Variants in ACP3 observed in about 807,000 individuals in gnomAD.
ACP3 encodes the protein acid phosphatase 3.
A neutral mutation model predicts 45.6 loss-of-function variants in ACP3; 38 were observed. The observed-to-expected ratio is 0.83, with a 90% CI of 0.64 to 1.09. The LOEUF (loss-of-function observed/expected upper bound fraction) is 1.09, where lower values mean the gene tolerates loss of function less well. Among genes scored for constraint, ACP3 ranks in the 50% least tolerant of loss-of-function variants. The probability of loss-of-function intolerance (pLI) is 0.00; values close to 1 mark genes in which losing one functional copy is unlikely to be tolerated. For synonymous variants in ACP3, 162 were observed against 164.7 expected (o/e 0.98, Z 0.13); for missense variants, 466 against 463.2 (o/e 1.01, Z -0.05).
intron 9 of ACP3, 60 bp downstream of exon 9, chr3:132,352,883 A>T: frequency 7.9e-7 from 1 of 1,273,454 alleles, no homozygotes. Context: ...CATTATTATT[A>T]TTTTGGGTTA....
chr3:132,366,387 C>T (rs745362674), intron 10 of ACP3, among the ~76,000 whole-genome samples: 29 of 151,704 alleles, frequency 1.9e-4, no homozygotes, highest in Admixed American at 1.1e-3. Context: ...TGGCAAAAGA[C>T]GATGGTGGTT....
At chr3:132,331,079 A>G (rs1178668280) in intron 2 of ACP3, among the ~76,000 whole-genome samples, 3 of 152,234 alleles carry the variant, frequency 2.0e-5, no homozygotes, top group African/African-American at 7.2e-5. Context: ...CTGGTTCAGT[A>G]GGTCAAGGGT....
chr3:132,361,052 G>C (rs1938031879), downstream of ACP3, among the ~76,000 whole-genome samples: 1 of 152,196 alleles, frequency 6.6e-6, no homozygotes. Flanking sequence ...TTATACTGTA[G>C]AGACCCAATC....
chr3:132,348,255 T>C (rs1229975757), intron 7 of ACP3, among the ~76,000 whole-genome samples: 1 of 152,172 alleles, frequency 6.6e-6, no homozygotes, highest in East Asian at 1.9e-4. Flanking sequence ...TAATAAAGGA[T>C]ACAACAGATA....
At chr3:132,338,902 G>A (rs149597073) in intron 5 of ACP3, among the ~76,000 whole-genome samples, 20 of 152,022 alleles carry the variant, frequency 1.3e-4, no homozygotes, top group Non-Finnish European at 2.5e-4. Flanking sequence ...TTAAGTTCAG[G>A]GGTACAAATG....
In ACP3 at chr3:132,357,052, C is replaced by G; in HGVS notation, c.*174C>G. 4.4e-6 allele frequency: 6 copies of G among 1,353,976 alleles called. No individual in the cohort carries two copies. Among genetic ancestry groups the G allele is most frequent in the Middle Eastern group, 2.7e-4 (1 of 3,658 alleles). The allele number at this position is 1,353,976 out of a possible 1,614,324, so 83.9% of individuals were successfully genotyped here. A position where few individuals can be genotyped will look rare whatever the true frequency, so the allele number is the denominator to read the frequency against. ...ATTCCTACCTCTTCACCTGACCCTG[C>G]CCCCACTTGCCATAAAACTTAGCTA... On this transcript the variant is annotated 3_prime_UTR_variant, in exon 10 of 10. Transcript: ENST00000336375.
At chr3:132,349,782 C>T in intron 7 of ACP3, 138 bp from the exon 8 acceptor site, 1 of 631,858 alleles carries the variant, frequency 1.6e-6, no homozygotes, top group Non-Finnish European at 2.8e-6. Context: ...AGAGCAGATG[C>T]TCAATAAAAT....
intron 5 of ACP3, among the ~76,000 whole-genome samples, chr3:132,339,520 AG>A (rs1296221772): frequency 5.3e-5 from 8 of 152,016 alleles, no homozygotes; most frequent in African/African-American, 1.7e-4. Context: ...AACTTCTGAC[AG>A]GCTGGCTTTA....
rs1559840198 is a variant in ACP3 at position 132,349,918 on chromosome 3, A to G, written c.782-2A>G. 1 of 1,607,954 alleles carries G rather than the reference A, an allele frequency of 6.2e-7. No individual in the cohort carries two copies. Among genetic ancestry groups the G allele is most frequent in the Non-Finnish European group, 8.5e-7 (1 of 1,174,660 alleles). On this transcript the variant is annotated splice_acceptor_variant, in intron 7 of 9. Transcript: ENST00000336375. LOFTEE classifies it high-confidence loss of function. ...TTTGGTTATTGATTCATCTTCTTTA[A>G]GGTGTCCTGGTCAATGAAATCCTCA...
intron 5 of ACP3, among the ~76,000 whole-genome samples, chr3:132,341,814 T>C (rs1191296982): frequency 6.6e-6 from 1 of 152,242 alleles, no homozygotes; most frequent in East Asian, 1.9e-4. Flanking sequence ...CTATTGAGGT[T>C]AATATTGGCA....
chr3:132,323,168 A>AG lies in ACP3; in HGVS notation c.121-5097dup, dbSNP rs1200277964. Among the ~76,000 whole-genome samples, 5 of 148,984 alleles carry AG rather than the reference A, an allele frequency of 3.4e-5. No individual in the cohort carries two copies. In the East Asian group the frequency reaches 9.7e-4, roughly 29 times the overall value. ...GGGGAAAGACAAGAAGATGAAAGAA[A>AG]GGAAAAAAAAAAAGCACACATAGCA... is the stretch of plus-strand genomic sequence containing the variant. On this transcript the variant is annotated intron_variant, in intron 1 of 9. Coordinates refer to ENST00000336375, the MANE Select transcript of ACP3 (RefSeq NM_001099.5).
chr3:132,348,909 T>C (rs953157344), intron 7 of ACP3, among the ~76,000 whole-genome samples: 8 of 151,226 alleles, frequency 5.3e-5, no homozygotes, highest in Non-Finnish European at 1.2e-4. Context: ...ATCTGGCGCA[T>C]CATAGCTGCT....
chr3:132,359,719 G>A (rs1364719894), downstream of ACP3, among the ~76,000 whole-genome samples: 1 of 152,048 alleles, frequency 6.6e-6, no homozygotes, highest in African/African-American at 2.4e-5. Flanking sequence ...CAATATGCAG[G>A]TAGAGTGAAA....
chr3:132,357,233 G>A lies in ACP3; in HGVS notation c.*355G>A. 5.0e-6 allele frequency: 5 copies of A among 1,002,992 alleles called. No individual in the cohort carries two copies. The highest frequency in any genetic ancestry group is 5.9e-6 in the Non-Finnish European group (5 of 841,484). The allele number at this position is 1,002,992 out of a possible 1,614,324, so 62.1% of individuals were successfully genotyped here. A position where few individuals can be genotyped will look rare whatever the true frequency, so the allele number is the denominator to read the frequency against. ...TTAAGGATTCTGAGATTTTGCTTGA[G>A]CAGGATTAGATAAGGCTGTTCTTTA... On this transcript the variant is annotated 3_prime_UTR_variant, in exon 10 of 10. Coordinates refer to ENST00000336375, the MANE Select transcript of ACP3 (RefSeq NM_001099.5).
In ACP3 at chr3:132,358,076, T is replaced by TAAATAAATA. The variant is rs1553734945; in HGVS notation, c.*1201_*1202insTAAATAAAA. On this transcript the variant is annotated 3_prime_UTR_variant, in exon 10 of 10. Transcript: ENST00000336375. Reference sequence around the variant, plus strand: ...ATAAATAAATAAATAAATAAATAAATAAAAACAAAGTTGATTAAGAAAGGA... The same window carrying TAAATAAATA: ...ATAAATAAATAAATAAATAAATAAATAAATAAATAAAAAACAAAGTTGATTAAGAAAGGA... The TAAATAAATA allele has an allele frequency of 1.4e-5, 2 of 147,390 alleles. No homozygotes were observed. The highest frequency in any genetic ancestry group is 2.9e-5 in the Non-Finnish European group (2 of 70,062). The allele number at this position is 147,390 out of a possible 1,614,324, so 9.1% of individuals were successfully genotyped here.
At chr3:132,361,017 A>T (rs1037942615), downstream of ACP3, among the ~76,000 whole-genome samples, 6 of 152,220 alleles carry the variant, frequency 3.9e-5, no homozygotes, top group Non-Finnish European at 8.8e-5. Context: ...AAGAGAGAGA[A>T]GCTATGAATG....
At position 132,367,703 on chromosome 3, in the gene ACP3, G is replaced by C. The variant is rs1233703827; in HGVS notation, c.1139-1G>C. The C allele has an allele frequency of 6.3e-7, 1 of 1,598,608 alleles. No homozygotes were observed. The highest frequency in any genetic ancestry group is 8.6e-7 in the Non-Finnish European group (1 of 1,166,078). On this transcript the variant is annotated splice_acceptor_variant, in intron 10 of 10. Transcript: ENST00000351273. LOFTEE classifies it high-confidence loss of function. ...TTAATACTTTTCCTATTTTCCCACAGTTCTAAAGGTCATCTTTGCTGTTGC... is the reference window on the plus strand; with the variant it reads ...TTAATACTTTTCCTATTTTCCCACACTTCTAAAGGTCATCTTTGCTGTTGC...
At chr3:132,330,254 A>G (rs1278860055) in intron 2 of ACP3, among the ~76,000 whole-genome samples, 1 of 152,064 alleles carries the variant, frequency 6.6e-6, no homozygotes, top group Admixed American at 6.6e-5. Context: ...TAATCATAAG[A>G]TGATGGCTGT....
At chr3:132,330,191 A>G (rs1167525505) in intron 2 of ACP3, among the ~76,000 whole-genome samples, 3 of 152,182 alleles carry the variant, frequency 2.0e-5, no homozygotes, top group Admixed American at 1.3e-4. Context: ...AAGTGCTAGA[A>G]TTTCAGGCCT....
Sources: gnomAD v4.1 joint callset for allele counts (sites outside exome capture counted in the v4.1 genomes callset) on GRCh38, gnomAD v4.1.1 for gene constraint, MANE v1.5 for transcripts, NCBI Gene and HGNC (gene_info 2026-07-23, HGNC 2026-07-21) for gene names.